FSCN2: variants seen among roughly 807,000 people sequenced by gnomAD.
FSCN2 encodes fascin-2.
FSCN2 carries 46 observed loss-of-function variants against 37.8 expected under a neutral mutation model. That is an observed-to-expected ratio of 1.22 (90% CI 0.96 to 1.56). FSCN2 has a LOEUF of 1.56. FSCN2 is among the 40% of genes most tolerant of loss of function. The pLI, the probability that FSCN2 is intolerant of heterozygous loss-of-function variation, is 0.00. For synonymous variants in FSCN2, 351 were observed against 309.4 expected, an observed-to-expected ratio of 1.13 and a Z score of -1.41; for missense variants, 844 against 730.4, an observed-to-expected ratio of 1.16 and a Z score of -1.79.
In FSCN2 at chr17:81,531,257, GAT is replaced by G. The variant is rs1555671224; in HGVS notation, c.826+1901_826+1902del. Among the ~76,000 whole-genome samples, 4 of 139,156 alleles carry G rather than the reference GAT, an allele frequency of 2.9e-5. 1 individual carries two copies. Among genetic ancestry groups the G allele is most frequent in the East Asian group, 2.0e-4 (1 of 5,022 alleles). 91.3% of individuals were successfully genotyped at this position (139,156 alleles called of 152,430 possible). On this transcript the variant is annotated intron_variant, in intron 1 of 4. Transcript: ENST00000417245. ...TGATGGTGGTGATGATGGTGATGGT[GAT>G]GATGGTGGTGATGGCGGTGGTGATG... is the stretch of plus-strand genomic sequence containing the variant.
chr17:81,529,582 A>G (rs2032482597), intron 1 of FSCN2: 1 of 752,576 alleles, frequency 1.3e-6, no homozygotes, highest in Non-Finnish European at 2.4e-6. Flanking sequence ...CTTCAGGGTC[A>G]GAGGCAAGGG....
At chr17:81,520,418 A>G in the FSCN2 span, among the ~76,000 whole-genome samples, 14,381 of 152,226 alleles carry the variant, frequency 0.094, 1,700 homozygotes, top group African/African-American at 0.27. Flanking sequence ...CCCCACCCAC[A>G]CACACCTTGG....
upstream of FSCN2, chr17:81,528,369 C>A (rs997999562): frequency 3.3e-6 from 2 of 605,898 alleles, no homozygotes; most frequent in Non-Finnish European, 5.8e-6. Context: ...AGGCTGCTGC[C>A]GCGGGTCAGA....
At chr17:81,531,096 CGTGGAA>C (rs1202091189) in intron 1 of FSCN2, among the ~76,000 whole-genome samples, 7 of 151,614 alleles carry the variant, frequency 4.6e-5, no homozygotes, top group African/African-American at 7.3e-5. Context: ...TGCATGGTGG[CGTGGAA>C]GTGGAGGTGA....
At chr17:81,535,871 C>A (rs1453705004) in intron 2 of FSCN2, among the ~76,000 whole-genome samples, 1 of 144,390 alleles carries the variant, frequency 6.9e-6, no homozygotes, top group Non-Finnish European at 1.5e-5. Context: ...CCCTCTCCAT[C>A]CCCATCCCCA....
intron 1 of FSCN2, among the ~76,000 whole-genome samples, chr17:81,531,372 G>GTGGTGA (rs1568077270): frequency 1.5e-5 from 1 of 66,742 alleles, no homozygotes; most frequent in Admixed American, 1.5e-4. Context: ...GATGATGGTG[G>GTGGTGA]TGGTGATGGT....
At position 81,529,337 on chromosome 17, in the gene FSCN2, G is replaced by A. The variant is rs201099468; in HGVS notation, c.806G>A (p.Arg269His). 70 of 1,549,776 alleles carry A rather than the reference G, an allele frequency of 4.5e-5. No individual in the cohort carries two copies. Among genetic ancestry groups the A allele is most frequent in the South Asian group, 3.5e-4 (28 of 79,834 alleles). ...PQVVLVAANHRYVSVRQGVNV... is the reference protein window; with the variant it reads ...PQVVLVAANHHYVSVRQGVNV... ...GTGGTGCTGGTGGCTGCCAACCACC[G>A]CTACGTCTCTGTGCGGCAAGGTAGG... Residue 269 changes from arginine to histidine, a missense_variant, in exon 1 of 5, where the codon CGC becomes CAC. Arg to His is a conservative substitution (Grantham distance 29, BLOSUM62 0). Transcript: ENST00000417245.
upstream of FSCN2, chr17:81,523,867 G>C (rs970216083): frequency 1.3e-5 from 2 of 152,380 alleles, no homozygotes; most frequent in Non-Finnish European, 2.9e-5. Flanking sequence ...ACACACGCAG[G>C]CCTGTGCCAG....
At chr17:81,525,333 G>A (rs778054596), upstream of FSCN2, among the ~76,000 whole-genome samples, 5 of 151,216 alleles carry the variant, frequency 3.3e-5, no homozygotes, top group Non-Finnish European at 7.4e-5. Flanking sequence ...GGCTGAGGCA[G>A]GAGAATCGCC....
chr17:81,532,014 GTGGTGATGATAGTGATGGTGATGATGA>G (rs2032661566), intron 1 of FSCN2, among the ~76,000 whole-genome samples: 1 of 107,836 alleles, frequency 9.3e-6, no homozygotes, highest in Admixed American at 1.0e-4. Flanking sequence ...GATGGTAGTG[GTGGTGATGATAGTGATGGTGATGATGA>G]TGGTGATGAT....
At chr17:81,515,224 G>A in the FSCN2 span, among the ~76,000 whole-genome samples, 1 of 152,170 alleles carries the variant, frequency 6.6e-6, no homozygotes, top group Non-Finnish European at 1.5e-5. Flanking sequence ...GCCCAAGGTC[G>A]CGCGGGGCCT....
the FSCN2 span, among the ~76,000 whole-genome samples, chr17:81,519,738 C>T: frequency 6.6e-6 from 1 of 152,154 alleles, no homozygotes; most frequent in Non-Finnish European, 1.5e-5. Context: ...GGGATGGGGT[C>T]ACCCGTGGCA....
chr17:81,526,520 AC>A (rs782371827), upstream of FSCN2, among the ~76,000 whole-genome samples: 10 of 152,186 alleles, frequency 6.6e-5, no homozygotes, highest in East Asian at 1.5e-3. Flanking sequence ...AATCCCAGCT[AC>A]TTGGGAGGCT....
upstream of FSCN2, chr17:81,527,654 G>C (rs1392297272): frequency 4.6e-5 from 7 of 152,400 alleles, no homozygotes; most frequent in African/African-American, 1.7e-4. Context: ...AGTGAAGTGA[G>C]GCTGGCTTCA....
At chr17:81,517,131 G>C in the FSCN2 span, among the ~76,000 whole-genome samples, 2 of 151,994 alleles carry the variant, frequency 1.3e-5, no homozygotes, top group East Asian at 1.9e-4. Flanking sequence ...CACTCAGGCC[G>C]AGAGTCCCTC....
intron 1 of FSCN2, 75 bp downstream of exon 1, chr17:81,529,432 C>A (rs2032476770): frequency 1.8e-6 from 2 of 1,142,722 alleles, no homozygotes; most frequent in Non-Finnish European, 2.5e-6. Context: ...CCGTGGGGGT[C>A]TCACGGGGAG....
the FSCN2 span, among the ~76,000 whole-genome samples, chr17:81,520,835 C>G: frequency 6.6e-6 from 1 of 152,208 alleles, no homozygotes; most frequent in Non-Finnish European, 1.5e-5. Context: ...AGGCCCTGTT[C>G]TTGCTAATTT....
intron 1 of FSCN2, among the ~76,000 whole-genome samples, chr17:81,531,318 A>ATGGTGGTGG (rs781882828): frequency 2.5e-5 from 1 of 39,902 alleles, no homozygotes; most frequent in African/African-American, 1.0e-4. Context: ...GGTGGTGGTG[A>ATGGTGGTGG]TGATGGTGGT....
In FSCN2 at chr17:81,528,499, C is replaced by G; in HGVS notation, c.-33C>G. The G allele has an allele frequency of 2.0e-6, 3 of 1,516,616 alleles. No individual in the cohort carries two copies. The highest frequency in any genetic ancestry group is 2.4e-5 in the East Asian group (1 of 41,164). 93.9% of individuals were successfully genotyped at this position (1,516,616 alleles called of 1,614,324 possible). A position where few individuals can be genotyped will look rare whatever the true frequency, so the allele number is the denominator to read the frequency against. Reference sequence around the variant, plus strand: ...GCCGTGAGCACTCAGAGGGCGCATCCCAGGCCCCTCCGGGGACCCGGCCAG... The same window carrying G: ...GCCGTGAGCACTCAGAGGGCGCATCGCAGGCCCCTCCGGGGACCCGGCCAG... On this transcript the variant is annotated 5_prime_UTR_variant, in exon 1 of 5. Coordinates refer to ENST00000417245, the MANE Select transcript of FSCN2 (RefSeq NM_012418.4).
Sources: gnomAD v4.1 joint callset for allele counts (sites outside exome capture counted in the v4.1 genomes callset) on GRCh38, gnomAD v4.1.1 for gene constraint, MANE v1.5 for transcripts, NCBI Gene and HGNC (gene_info 2026-07-23, HGNC 2026-07-21) for gene names.